Variants in CHRDL1 observed in about 807,000 individuals in gnomAD.
CHRDL1 encodes the protein chordin like 1, also known as chordin-like protein 1.
In CHRDL1, 19 loss-of-function variants were observed where a neutral mutation model predicts 40.9. That is an observed-to-expected ratio of 0.46 (90% CI 0.32 to 0.68). The LOEUF (loss-of-function observed/expected upper bound fraction) is 0.68. Among genes scored for constraint, CHRDL1 ranks in the 30% least tolerant of loss-of-function variants. The pLI, the probability that CHRDL1 is intolerant of heterozygous loss-of-function variation, is 0.03. For missense variants in CHRDL1, 329 were observed against 352.1 expected, an observed-to-expected ratio of 0.93 and a Z score of 0.53; for synonymous variants, 136 against 123.4, an observed-to-expected ratio of 1.10 and a Z score of -0.68.
At chrX:110,787,226 A>C (rs1317971243) in intron 2 of CHRDL1, among the ~76,000 whole-genome samples, 1 of 111,442 alleles carries the variant, frequency 9.0e-6, no homozygotes, top group African/African-American at 3.3e-5. Context: ...TTCTTCTTCA[A>C]ATGACAATGC....
At chrX:110,786,024 A>G (rs1463062861) in intron 2 of CHRDL1, among the ~76,000 whole-genome samples, 1 of 112,254 alleles carries the variant, frequency 8.9e-6, no homozygotes, top group Admixed American at 9.4e-5. Flanking sequence ...GAAATGCCAG[A>G]CAATTCTTTT....
chrX:110,750,511 G>A (rs1468593302), intron 4 of CHRDL1, among the ~76,000 whole-genome samples: 1 of 112,350 alleles, frequency 8.9e-6, no homozygotes, highest in Non-Finnish European at 1.9e-5. Context: ...AAATACCCTA[G>A]ATGTGACTCT....
rs188179205 is a variant in CHRDL1 at position 110,786,081 on chromosome X, C to T, written c.94+6007G>A. Among the ~76,000 whole-genome samples the T allele has an allele frequency of 3.4e-4, 38 of 112,070 alleles. 1 individual carries two copies. Among genetic ancestry groups the T allele is most frequent in the African/African-American group, 1.2e-3 (38 of 30,956 alleles). ...CAGAATGTGCCTTATTCAAACATCC[C>T]AGGATCAATACTGCTTGAGTGGGTT... On this transcript the variant is annotated intron_variant, in intron 2 of 11. Transcript: ENST00000372042.
chrX:110,741,944 C>G (rs920707474), intron 4 of CHRDL1, among the ~76,000 whole-genome samples: 2 of 111,966 alleles, frequency 1.8e-5, no homozygotes, highest in East Asian at 5.6e-4. Context: ...TGACTGTTAA[C>G]AGGTTTTGCT....
chrX:110,714,611 G>A (rs973647589), intron 6 of CHRDL1, among the ~76,000 whole-genome samples: 8 of 111,150 alleles, frequency 7.2e-5, no homozygotes, highest in Non-Finnish European at 5.7e-5. Context: ...TTCTGCCAAC[G>A]CTCTCCTTGA....
chrX:110,687,826 G>T (rs1301633654), intron 9 of CHRDL1, among the ~76,000 whole-genome samples: 12 of 110,686 alleles, frequency 1.1e-4, no homozygotes, highest in Non-Finnish European at 2.3e-4. Context: ...CCAATATTAG[G>T]GACTATATTT....
intron 2 of CHRDL1, among the ~76,000 whole-genome samples, chrX:110,791,096 T>C (rs2090091474): frequency 9.1e-6 from 1 of 110,496 alleles, no homozygotes; most frequent in South Asian, 3.9e-4. Flanking sequence ...ATTTAACTTA[T>C]GTGATAAAAG....
At chrX:110,732,493 G>A (rs1177164013) in intron 4 of CHRDL1, among the ~76,000 whole-genome samples, 2 of 112,161 alleles carry the variant, frequency 1.8e-5, no homozygotes, top group Admixed American at 1.9e-4. Flanking sequence ...ACAGTCATCT[G>A]CTGCTCCAGC....
intron 4 of CHRDL1, 128 bp downstream of exon 4, chrX:110,759,533 C>T: frequency 1.9e-6 from 1 of 516,027 alleles, no homozygotes; most frequent in African/African-American, 2.3e-5. Flanking sequence ...CCAGTTTGGA[C>T]TGCCTAAAGG....
intron 8 of CHRDL1, among the ~76,000 whole-genome samples, chrX:110,691,111 G>T (rs1000098644): frequency 9.2e-6 from 1 of 108,876 alleles, no homozygotes; most frequent in Non-Finnish European, 1.9e-5. Flanking sequence ...CTACTTGGGA[G>T]GCTGAGGTGG....
intron 4 of CHRDL1, among the ~76,000 whole-genome samples, chrX:110,744,053 A>G (rs1205603370): frequency 8.9e-6 from 1 of 112,600 alleles, no homozygotes; most frequent in African/African-American, 3.2e-5. Context: ...GGACAGTGTC[A>G]TAACACAGAG....
At chrX:110,689,572 C>A (rs183356624) in intron 8 of CHRDL1, among the ~76,000 whole-genome samples, 34 of 3,351 alleles carry the variant, frequency 0.01, no homozygotes, top group Admixed American at 0.095. Context: ...CTATATATAT[C>A]TATATATCTA....
At chrX:110,755,786 C>T (rs896884154) in intron 4 of CHRDL1, among the ~76,000 whole-genome samples, 1 of 111,797 alleles carries the variant, frequency 8.9e-6, no homozygotes, top group Non-Finnish European at 1.9e-5. Flanking sequence ...TTTGACCAAA[C>T]ATTTCTGTGG....
At chrX:110,738,283 A>G (rs2071296978) in intron 4 of CHRDL1, among the ~76,000 whole-genome samples, 1 of 111,588 alleles carries the variant, frequency 9.0e-6, no homozygotes, top group Non-Finnish European at 1.9e-5. Flanking sequence ...ACTACACCAT[A>G]TAAAACCAAC....
chrX:110,768,932 T>G (rs1464639455), intron 2 of CHRDL1, among the ~76,000 whole-genome samples: 8 of 111,409 alleles, frequency 7.2e-5, no homozygotes, highest in African/African-American at 2.6e-4. Context: ...GAACCCTGAC[T>G]AATACAACTC....
chrX:110,777,627 T>A (rs148930343), intron 2 of CHRDL1, among the ~76,000 whole-genome samples: 2,364 of 111,775 alleles, frequency 0.021, 64 homozygotes, highest in African/African-American at 0.072. Context: ...TCTTTTCATA[T>A]GCTTATTTGC....
intron 2 of CHRDL1, among the ~76,000 whole-genome samples, chrX:110,777,885 G>A (rs747118409): frequency 1.8e-5 from 2 of 110,692 alleles, no homozygotes; most frequent in East Asian, 5.6e-4. Context: ...TTCTTTCTTG[G>A]ATAGAACCTT....
At chrX:110,728,272 C>A (rs1428590706) in intron 4 of CHRDL1, among the ~76,000 whole-genome samples, 1 of 110,850 alleles carries the variant, frequency 9.0e-6, no homozygotes, top group Admixed American at 9.6e-5. Context: ...CTATTGCATT[C>A]TTTTATATGT....
chrX:110,737,214 T>C (rs1457804321), intron 4 of CHRDL1, among the ~76,000 whole-genome samples: 1 of 112,056 alleles, frequency 8.9e-6, no homozygotes, highest in African/African-American at 3.3e-5. Context: ...TAGCCTTAAA[T>C]GGCTGCAGAG....
Sources: allele counts gnomAD v4.1 joint callset (sites outside exome capture counted in the v4.1 genomes callset), GRCh38; gene constraint gnomAD v4.1.1; transcripts MANE v1.5; gene names NCBI Gene and HGNC (gene_info 2026-07-23, HGNC 2026-07-21).